CNTFR: variants seen among roughly 807,000 people sequenced by gnomAD.
CNTFR encodes the protein ciliary neurotrophic factor receptor, also known as ciliary neurotrophic factor receptor subunit alpha.
In CNTFR, 12 loss-of-function variants were observed where a neutral mutation model predicts 40.4. The ratio of observed to expected loss-of-function variants is 0.30; its 90% CI spans 0.19 to 0.48. The LOEUF is 0.48. Among genes scored for constraint, CNTFR ranks in the 20% least tolerant of loss-of-function variants. CNTFR has a pLI of 0.99. For synonymous variants in CNTFR, 202 were observed against 209.6 expected, an observed-to-expected ratio of 0.96 and a Z score of 0.31; for missense variants, 414 against 506.8, an observed-to-expected ratio of 0.82 and a Z score of 1.76.
At position 34,557,172 on chromosome 9, in the gene CNTFR, C is replaced by T. The variant is rs1170036852; in HGVS notation, c.604+354G>A. Among the ~76,000 whole-genome samples the T allele has an allele frequency of 1.1e-4, 14 of 124,132 alleles. No homozygotes were observed. The highest frequency in any genetic ancestry group is 5.2e-4 in the East Asian group (2 of 3,838). 81.4% of individuals were successfully genotyped at this position (124,132 alleles called of 152,430 possible). On this transcript the variant is annotated intron_variant, in intron 6 of 9. Transcript: ENST00000378980. This position sits in a 1 kb window ranked among gnomAD's most constrained non-coding sequence, Gnocchi z 4.2. ...TTCTGACACCTCATTCATCACAGTC[C>T]GTAAGGAAGCCATTAGAGTTGGGGG...
intron 2 of CNTFR, among the ~76,000 whole-genome samples, chr9:34,578,184 G>T (rs1432459866): frequency 6.6e-6 from 1 of 152,080 alleles, no homozygotes; most frequent in African/African-American, 2.4e-5. Flanking sequence ...GGGCCGGGCC[G>T]CGCGGTGAGC....
chr9:34,588,024 T>C (rs758654958), intron 1 of CNTFR, among the ~76,000 whole-genome samples: 1 of 152,200 alleles, frequency 6.6e-6, no homozygotes, highest in Non-Finnish European at 1.5e-5. Flanking sequence ...TGTCCCAGTG[T>C]GCATCTGAGT....
chr9:34,577,407 A>C (rs1827031772), intron 2 of CNTFR, among the ~76,000 whole-genome samples: 1 of 152,162 alleles, frequency 6.6e-6, no homozygotes. Flanking sequence ...GGACAAAAGA[A>C]ACCAGGCAGC....
At chr9:34,586,914 A>G (rs139635475) in intron 1 of CNTFR, among the ~76,000 whole-genome samples, 2 of 152,260 alleles carry the variant, frequency 1.3e-5, no homozygotes, top group African/African-American at 4.8e-5. Context: ...CTCACCACAA[A>G]CCAAAGGAAA....
At chr9:34,578,916 C>G (rs911018237) in intron 2 of CNTFR, among the ~76,000 whole-genome samples, 2 of 152,146 alleles carry the variant, frequency 1.3e-5, no homozygotes, top group Non-Finnish European at 2.9e-5. Flanking sequence ...GGATGAGGAC[C>G]CCAGATCCGC....
intron 3 of CNTFR, 147 bp downstream of exon 3, chr9:34,568,750 G>A (rs764443042): frequency 8.3e-5 from 58 of 698,980 alleles, no homozygotes; most frequent in Non-Finnish European, 1.3e-4. Flanking sequence ...GCATATCAGT[G>A]TCACATGACT....
chr9:34,587,859 G>A (rs1012207249), intron 1 of CNTFR, among the ~76,000 whole-genome samples: 1 of 152,094 alleles, frequency 6.6e-6, no homozygotes, highest in Non-Finnish European at 1.5e-5. Flanking sequence ...CTAAGCATGA[G>A]CCTACAGTCC....
At chr9:34,583,674 T>C (rs964436111) in intron 1 of CNTFR, among the ~76,000 whole-genome samples, 1 of 151,740 alleles carries the variant, frequency 6.6e-6, no homozygotes, top group Non-Finnish European at 1.5e-5. Flanking sequence ...TGCGGGGTTG[T>C]GCTGATCTGT....
At chr9:34,575,805 A>C (rs1826930952) in intron 2 of CNTFR, among the ~76,000 whole-genome samples, 1 of 152,004 alleles carries the variant, frequency 6.6e-6, no homozygotes, top group Non-Finnish European at 1.5e-5. Context: ...GGGGGAAAAG[A>C]AGCTTCAAAT....
At chr9:34,589,996 C>G, upstream of CNTFR, 1 of 152,604 alleles carries the variant, frequency 6.6e-6, no homozygotes, top group Non-Finnish European at 1.5e-5. This position sits in a 1 kb window ranked among gnomAD's most constrained non-coding sequence, Gnocchi z 4.4. Flanking sequence ...TGAGCCCCCA[C>G]TCCCACTCGC....
rs564644685 is a variant in CNTFR, at chr9:34,555,308, C to T, written c.768+947G>A. Among the ~76,000 whole-genome samples the T allele has an allele frequency of 3.3e-5, 5 of 152,212 alleles. No individual in the cohort carries two copies. In the South Asian group the frequency reaches 8.3e-4, roughly 25 times the overall value. On this transcript the variant is annotated intron_variant, in intron 7 of 9. Transcript: ENST00000378980. ...GAATCGAATTACACACTTTAAAGGC[C>T]GGACTGGATAGGGGCATGAGGAGCT... is the stretch of plus-strand genomic sequence containing the variant.
At chr9:34,579,557 G>C (rs1827183212) in intron 2 of CNTFR, among the ~76,000 whole-genome samples, 1 of 151,954 alleles carries the variant, frequency 6.6e-6, no homozygotes, top group African/African-American at 2.4e-5. Context: ...TGAGGGCGAG[G>C]CTCCCACGGA....
At chr9:34,577,370 T>C (rs1587162554) in intron 2 of CNTFR, among the ~76,000 whole-genome samples, 1 of 152,068 alleles carries the variant, frequency 6.6e-6, no homozygotes, top group Non-Finnish European at 1.5e-5. Flanking sequence ...AGCCAGGTGA[T>C]AGGGACTTCG....
intron 4 of CNTFR, among the ~76,000 whole-genome samples, chr9:34,561,247 T>C (rs1415932915): frequency 2.0e-5 from 3 of 152,152 alleles, no homozygotes; most frequent in Non-Finnish European, 4.4e-5. Context: ...CACTCTTTCC[T>C]TTCCAGCCAA....
intron 2 of CNTFR, among the ~76,000 whole-genome samples, chr9:34,573,407 G>A (rs1325456342): frequency 6.6e-6 from 1 of 152,218 alleles, no homozygotes; most frequent in South Asian, 2.1e-4. Flanking sequence ...TTGGGTTGCT[G>A]TGGGCACGCC....
At chr9:34,559,321 A>G (rs1825975259) in intron 4 of CNTFR, among the ~76,000 whole-genome samples, 1 of 152,172 alleles carries the variant, frequency 6.6e-6, no homozygotes, top group Admixed American at 6.5e-5. Flanking sequence ...CAGAACCCCC[A>G]GGATCCAGAT....
chr9:34,560,744 CTT>C (rs1826036763), intron 4 of CNTFR, among the ~76,000 whole-genome samples: 1 of 152,254 alleles, frequency 6.6e-6, no homozygotes, highest in Non-Finnish European at 1.5e-5. Context: ...TGTGGGGGCT[CTT>C]GAGACACCCA....
chr9:34,570,992 C>T (rs1055347), intron 2 of CNTFR, among the ~76,000 whole-genome samples: 30,905 of 152,084 alleles, frequency 0.2, 3,802 homozygotes, highest in East Asian at 0.48. Context: ...GACTGCCCCT[C>T]CCTGGCACAG....
chr9:34,553,076 G>C (rs1185108520), intron 7 of CNTFR, among the ~76,000 whole-genome samples: 1 of 152,170 alleles, frequency 6.6e-6, no homozygotes, highest in East Asian at 1.9e-4. Context: ...CCCTGAAGGA[G>C]AGTAATGACA....
Sources: gnomAD v4.1 joint callset for allele counts (sites outside exome capture counted in the v4.1 genomes callset) on GRCh38, gnomAD v4.1.1 for gene constraint, Gnocchi (gnomAD v3.1) non-coding constraint, MANE v1.5 for transcripts, NCBI Gene and HGNC (gene_info 2026-07-23, HGNC 2026-07-21) for gene names.